The following ZNF319 variants were observed in gnomAD, a reference collection of about 807,000 sequenced individuals.
The protein encoded by ZNF319 is zinc finger protein 319.
A neutral mutation model predicts 46.0 loss-of-function variants in ZNF319; 15 were observed. The observed-to-expected ratio is 0.33, with a 90% confidence interval of 0.22 to 0.50. The LOEUF is 0.50. ZNF319 is among the 20% of genes least tolerant of loss of function. The pLI is 0.98. For missense variants in ZNF319, 635 were observed against 807.0 expected (o/e 0.79, Z 2.58); for synonymous variants, 368 against 364.0 (o/e 1.01, Z -0.13).
Position 57,997,164 on chromosome 16 carries a change from C to G in ZNF319, c.1102G>C (p.Glu368Gln). Reference protein sequence around the residue: ...LMRHRRTHKTEEPFKCGLCEK... With the variant: ...LMRHRRTHKTQEPFKCGLCEK... ...CATAGGCCGCATTTGAAGGGCTCCT[C>G]GGTCTTGTGTGTGCGCCGGTGGCGC... is the stretch of plus-strand genomic sequence containing the variant. The change falls in exon 2 of 2, where the codon GAG becomes CAG. Residue 368 changes from glutamate to glutamine, a missense_variant. This residue lies in a region of ZNF319 where 138 missense variants were observed against 248.0 expected (regional missense o/e 0.56). Coordinates refer to ENST00000299237, the MANE Select transcript of ZNF319 (RefSeq NM_020807.3). 1 of 1,614,048 alleles carries G rather than the reference C, an allele frequency of 6.2e-7. No individual in the cohort carries two copies. Among genetic ancestry groups the G allele is most frequent in the Non-Finnish European group, 8.5e-7 (1 of 1,179,996 alleles).
In ZNF319 at chr16:57,998,519, C is replaced by A; in HGVS notation, c.-254G>T. ...GGAGACTCTGCCTTCCCCAGTGATCCGTTCTGTAGAGAAGAGAGAAAGTAT... is the reference window on the plus strand; with the variant it reads ...GGAGACTCTGCCTTCCCCAGTGATCAGTTCTGTAGAGAAGAGAGAAAGTAT... On this transcript the variant is annotated 5_prime_UTR_variant, in exon 2 of 2. Coordinates refer to ENST00000299237, the MANE Select transcript of ZNF319 (RefSeq NM_020807.3). 1 of 465,700 alleles carries A rather than the reference C, an allele frequency of 2.1e-6. No homozygotes were observed. The allele number at this position is 465,700 out of a possible 1,614,324, so 28.8% of individuals were successfully genotyped here. A position where few individuals can be genotyped will look rare whatever the true frequency, so the allele number is the denominator to read the frequency against.
rs62041778 is a variant in ZNF319 at position 57,998,518 on chromosome 16, C to A, written c.-253G>T. 5 of 485,670 alleles carry A rather than the reference C, an allele frequency of 1.0e-5. No individual in the cohort carries two copies. The highest frequency in any genetic ancestry group is 1.5e-5 in the Non-Finnish European group (4 of 270,126). 30.1% of individuals were successfully genotyped at this position (485,670 alleles called of 1,614,324 possible). A position where few individuals can be genotyped will look rare whatever the true frequency, so the allele number is the denominator to read the frequency against. ...GGGAGACTCTGCCTTCCCCAGTGAT[C>A]CGTTCTGTAGAGAAGAGAGAAAGTA... is the stretch of plus-strand genomic sequence containing the variant. On this transcript the variant is annotated 5_prime_UTR_variant, in exon 2 of 2. Transcript: ENST00000299237.
chr16:57,999,042 C>T (rs979256632), intron 1 of ZNF319, among the ~76,000 whole-genome samples: 1 of 152,190 alleles, frequency 6.6e-6, no homozygotes, highest in African/African-American at 2.4e-5. Flanking sequence ...ATTTCAAAAA[C>T]TCTCACCTAT....
Position 58,000,064 on chromosome 16 carries a change from T to C in ZNF319, c.-829A>G, listed in dbSNP as rs1436087115. Among the ~76,000 whole-genome samples the C allele has an allele frequency of 6.6e-6, 1 of 151,862 alleles. No individual in the cohort carries two copies. Among genetic ancestry groups the C allele is most frequent in the Non-Finnish European group, 1.5e-5 (1 of 67,926 alleles). On this transcript the variant is annotated 5_prime_UTR_variant, in exon 1 of 2. Coordinates refer to ENST00000299237, the MANE Select transcript of ZNF319 (RefSeq NM_020807.3). This position sits in a 1 kb window ranked among gnomAD's most constrained non-coding sequence, Gnocchi z 4.5. ...ACCTGCGCCCCACCCCGTCTCTTCT[T>C]CCTCCCTGAGAAACCGAATGAAAGC...
rs1017939001 is a variant in ZNF319 at position 57,998,425 on chromosome 16, G to A, written c.-160C>T. 8.3e-7 allele frequency: 1 copy of A among 1,205,636 alleles called. No homozygotes were observed. Among genetic ancestry groups the A allele is most frequent in the Non-Finnish European group, 1.1e-6 (1 of 877,774 alleles). 74.7% of individuals were successfully genotyped at this position (1,205,636 alleles called of 1,614,324 possible). On this transcript the variant is annotated 5_prime_UTR_variant, in exon 2 of 2. Coordinates refer to ENST00000299237, the MANE Select transcript of ZNF319 (RefSeq NM_020807.3). ...TCAGACAGCCCGAGTCAGTAACCAA[G>A]CGGACAGACTACAAGGCTCTGCCTA...
chr16:57,999,400 G>C (rs975616624), intron 1 of ZNF319, 93 bp downstream of exon 1: 1 of 152,260 alleles, frequency 6.6e-6, no homozygotes, highest in African/African-American at 2.4e-5. Context: ...CACCTCTCTA[G>C]AGACAACTCC....
chr16:57,995,263 C>A lies in ZNF319; in HGVS notation c.*1254G>T, dbSNP rs917866840. The A allele has an allele frequency of 1.3e-5, 2 of 152,330 alleles. No individual in the cohort carries two copies. The highest frequency in any genetic ancestry group is 4.8e-5 in the African/African-American group (2 of 41,466). 9.4% of individuals were successfully genotyped at this position (152,330 alleles called of 1,614,324 possible). On this transcript the variant is annotated 3_prime_UTR_variant, in exon 2 of 2. Transcript: ENST00000299237. ...TCAACTCCATCCACCAGGTCCCCCA[C>A]AGGCTTCCTTAACCCACTTGCTCTT...
At position 57,996,922 on chromosome 16, in the gene ZNF319, C is replaced by T. The variant is rs749447492; in HGVS notation, c.1344G>A (p.Leu448=). The T allele has an allele frequency of 5.0e-6, 8 of 1,601,388 alleles. No individual in the cohort carries two copies. In the South Asian group the frequency reaches 8.8e-5, roughly 18 times the overall value. Residue 448 remains leucine, a synonymous_variant, in exon 2 of 2, where the codon CTG becomes CTA. Coordinates refer to ENST00000299237, the MANE Select transcript of ZNF319 (RefSeq NM_020807.3). ...GCTTCTCTGCCGCCGCACAGTGGGC[C>T]AGCTGGTGCTTCTGCAGGGCCGACG... ...KRASALQKHQ[L]AHCAAAEKPL...
In ZNF319 at chr16:57,997,089, G is replaced by A. The variant is rs755999520; in HGVS notation, c.1177C>T (p.His393Tyr). The change falls in exon 2 of 2, where the codon CAC (histidine) becomes TAC (tyrosine). Residue 393 changes from histidine to tyrosine, a missense_variant. This residue lies in a region of ZNF319 where 270 missense variants were observed against 281.4 expected (regional missense o/e 0.96). Coordinates refer to ENST00000299237, the MANE Select transcript of ZNF319 (RefSeq NM_020807.3). ...CACTTGAAGAGAGTCTCGAGGGTGT[G>A]CACGTGCTGGTGGTAGAGCAGGTGG... is the stretch of plus-strand genomic sequence containing the variant. ...PSHLLYHQHV[H>Y]TLETLFKCPV... 1.6e-5 allele frequency: 26 copies of A among 1,613,906 alleles called. No individual in the cohort carries two copies. In the Admixed American group the frequency reaches 4.3e-4, roughly 27 times the overall value.
Position 57,998,386 on chromosome 16 carries a change from A to T in ZNF319, c.-121T>A. 1 of 1,483,940 alleles carries T rather than the reference A, an allele frequency of 6.7e-7. No homozygotes were observed. Among genetic ancestry groups the T allele is most frequent in the Non-Finnish European group, 9.0e-7 (1 of 1,111,996 alleles). 91.9% of individuals were successfully genotyped at this position (1,483,940 alleles called of 1,614,324 possible). Reference sequence around the variant, plus strand: ...TGGACAAGGACCTCAGACAAGGCACAGAAGAGGGGCTGGTCAGACAGCCCG... The same window carrying T: ...TGGACAAGGACCTCAGACAAGGCACTGAAGAGGGGCTGGTCAGACAGCCCG... On this transcript the variant is annotated 5_prime_UTR_variant, in exon 2 of 2. Coordinates refer to ENST00000299237, the MANE Select transcript of ZNF319 (RefSeq NM_020807.3).
At position 57,997,137 on chromosome 16, in the gene ZNF319, C is replaced by G. The variant is rs1419034331; in HGVS notation, c.1129G>C (p.Glu377Gln). 6.2e-7 allele frequency: 1 copy of G among 1,614,072 alleles called. No individual in the cohort carries two copies. The highest frequency in any genetic ancestry group is 8.5e-7 in the Non-Finnish European group (1 of 1,180,004). The change falls in exon 2 of 2, where the codon GAG becomes CAG. Residue 377 changes from glutamate to glutamine, a missense_variant. This residue lies in a region of ZNF319 where 138 missense variants were observed against 248.0 expected (regional missense o/e 0.56). Transcript: ENST00000299237. ...TEEPFKCGLCEKGFGQPSHLL... is the reference protein window; with the variant it reads ...TEEPFKCGLCQKGFGQPSHLL... ...TGGCTGGGCTGCCCAAAGCCCTTCT[C>G]ACATAGGCCGCATTTGAAGGGCTCC...
Position 57,998,410 on chromosome 16 carries a change from C to T in ZNF319, c.-145G>A, listed in dbSNP as rs927991913. Reference sequence around the variant, plus strand: ...CAGAAGAGGGGCTGGTCAGACAGCCCGAGTCAGTAACCAAGCGGACAGACT... The same window carrying T: ...CAGAAGAGGGGCTGGTCAGACAGCCTGAGTCAGTAACCAAGCGGACAGACT... On this transcript the variant is annotated 5_prime_UTR_variant, in exon 2 of 2. Coordinates refer to ENST00000299237, the MANE Select transcript of ZNF319 (RefSeq NM_020807.3). 23 of 1,360,058 alleles carry T rather than the reference C, an allele frequency of 1.7e-5. No individual in the cohort carries two copies. The highest frequency in any genetic ancestry group is 8.1e-5 in the Admixed American group (3 of 36,844). 84.2% of individuals were successfully genotyped at this position (1,360,058 alleles called of 1,614,324 possible). A position where few individuals can be genotyped will look rare whatever the true frequency, so the allele number is the denominator to read the frequency against.
chr16:57,997,766 T>C lies in ZNF319; in HGVS notation c.500A>G (p.Tyr167Cys). Residue 167 changes from tyrosine to cysteine, a missense_variant, in exon 2 of 2, where the codon TAC becomes TGC. Physicochemically the swap from Tyr to Cys is radical, Grantham distance 194. Coordinates refer to ENST00000299237, the MANE Select transcript of ZNF319 (RefSeq NM_020807.3). ...LVKCSICEKT[Y>C]KPAEAAEPAT... The stretch of plus-strand genomic sequence containing the variant: ...TGGCTCCGCTGCCTCAGCTGGCTTG[T>C]AGGTCTTTTCACAGATGGAACACTT... 1 of 1,613,200 alleles carries C rather than the reference T, an allele frequency of 6.2e-7. No homozygotes were observed. Among genetic ancestry groups the C allele is most frequent in the Non-Finnish European group, 8.5e-7 (1 of 1,180,016 alleles).
chr16:57,996,453 C>T lies in ZNF319; in HGVS notation c.*64G>A. The T allele has an allele frequency of 1.4e-6, 2 of 1,450,340 alleles. No homozygotes were observed. Among genetic ancestry groups the T allele is most frequent in the Non-Finnish European group, 1.8e-6 (2 of 1,107,524 alleles). 89.8% of individuals were successfully genotyped at this position (1,450,340 alleles called of 1,614,324 possible). On this transcript the variant is annotated 3_prime_UTR_variant, in exon 2 of 2. Coordinates refer to ENST00000299237, the MANE Select transcript of ZNF319 (RefSeq NM_020807.3). ...AAGGCAGCTGTGAGGAGCTAGGCTG[C>T]GCGAGGCCTGCTGGGCCCACGGCGC...
Position 57,996,883 on chromosome 16 carries a change from C to T in ZNF319, c.1383G>A (p.Thr461=), listed in dbSNP as rs757978297. The T allele has an allele frequency of 1.4e-5, 22 of 1,602,706 alleles. No homozygotes were observed. Among genetic ancestry groups the T allele is most frequent in the Admixed American group, 5.0e-5 (3 of 59,420 alleles). ...AGGAGAAGAAGCGGCGTTCGCAAAG[C>T]GTGCAGCGCAGGGGCTTCTCTGCCG... ...CAAAEKPLRC[T]LCERRFFSSS... Residue 461 remains threonine (T), a synonymous_variant, in exon 2 of 2, where the codon ACG becomes ACA. Coordinates refer to ENST00000299237, the MANE Select transcript of ZNF319 (RefSeq NM_020807.3).
chr16:57,999,046 C>A (rs1236362452), intron 1 of ZNF319, among the ~76,000 whole-genome samples: 2 of 152,162 alleles, frequency 1.3e-5, no homozygotes, highest in Non-Finnish European at 2.9e-5. Context: ...CAAAAACTCT[C>A]ACCTATGAGG....
rs1281554437 is a variant in ZNF319, at chr16:57,998,531, AAGAG to A, written c.-257-13_-257-10del. 14 of 426,378 alleles carry A rather than the reference AAGAG, an allele frequency of 3.3e-5. No individual in the cohort carries two copies. Among genetic ancestry groups the A allele is most frequent in the Non-Finnish European group, 5.1e-5 (12 of 233,426 alleles). The allele number at this position is 426,378 out of a possible 1,614,324, so 26.4% of individuals were successfully genotyped here. On this transcript the variant is annotated splice_polypyrimidine_tract_variant and intron_variant, in intron 1 of 1. Coordinates refer to ENST00000299237, the MANE Select transcript of ZNF319 (RefSeq NM_020807.3). ...TTCCCCAGTGATCCGTTCTGTAGAGAAGAGAGAAAGTATGAGCTCGAGGAAGGAA... is the reference window on the plus strand; with the variant it reads ...TTCCCCAGTGATCCGTTCTGTAGAGAAGAAAGTATGAGCTCGAGGAAGGAA...
In ZNF319 at chr16:57,997,822, T is replaced by C; in HGVS notation, c.444A>G (p.Ala148=). ...GGCCACTGTGGGAGCTGTGGTGCTG[T>C]GCCAGTGAGGTGAGTAGTGAGAAGC... ...KMGFSLLTSL[A]QHHSSHSGLV... The change falls in exon 2 of 2, where the codon GCA becomes GCG. Residue 148 remains alanine, a synonymous_variant. Transcript: ENST00000299237. 1.2e-6 allele frequency: 2 copies of C among 1,612,740 alleles called. No homozygotes were observed. Among genetic ancestry groups the C allele is most frequent in the Non-Finnish European group, 1.7e-6 (2 of 1,180,030 alleles).
In ZNF319 at chr16:57,997,297, G is replaced by C; in HGVS notation, c.969C>G (p.Ala323=). The C allele has an allele frequency of 6.2e-7, 1 of 1,611,028 alleles. No individual in the cohort carries two copies. The highest frequency in any genetic ancestry group is 8.5e-7 in the Non-Finnish European group (1 of 1,179,854). Residue 323 remains alanine (A), a synonymous_variant, in exon 2 of 2, where the codon GCC becomes GCG. Transcript: ENST00000299237. ...RPFRCGECQK[A]FKRPSDLRQH... The stretch of plus-strand genomic sequence containing the variant: ...GCCGCAGGTCCGAGGGCCGCTTGAA[G>C]GCCTTCTGGCACTCGCCGCAGCGGA...
Sources: allele counts gnomAD v4.1 joint callset (sites outside exome capture counted in the v4.1 genomes callset), GRCh38; gene constraint gnomAD v4.1.1; regional missense constraint gnomAD v4.1.1; non-coding constraint Gnocchi (gnomAD v3.1); transcripts MANE v1.5; gene names NCBI Gene and HGNC (gene_info 2026-07-23, HGNC 2026-07-21).